The following BLK variants were observed in gnomAD, a reference collection of about 807,000 sequenced individuals.
BLK encodes the protein tyrosine-protein kinase Blk.
Under a neutral mutation model 61.8 loss-of-function variants are expected in BLK, and 64 were observed. That is an observed-to-expected ratio of 1.03 (90% CI 0.85 to 1.27). The LOEUF is 1.27. Ranked by LOEUF, BLK falls within the 50% of genes most tolerant of loss-of-function variation. The probability of loss-of-function intolerance (pLI) is 0.00; values close to 1 mark genes in which losing one functional copy is unlikely to be tolerated. For missense variants in BLK, 853 were observed against 660.5 expected (o/e 1.29, Z -3.19); for synonymous variants, 351 against 272.0 (o/e 1.29, Z -2.86).
chr8:11,532,543 T>C (rs988428973), intron 1 of BLK, among the ~76,000 whole-genome samples: 2 of 152,182 alleles, frequency 1.3e-5, no homozygotes, highest in Non-Finnish European at 2.9e-5. Flanking sequence ...TATTGTATTT[T>C]TTTTAATCTC....
chr8:11,519,048 G>T (rs1180242985), intron 1 of BLK, among the ~76,000 whole-genome samples: 1 of 152,110 alleles, frequency 6.6e-6, no homozygotes, highest in Non-Finnish European at 1.5e-5. Flanking sequence ...GAAATCAGTG[G>T]CCGTTTACTT....
chr8:11,552,631 C>T (rs1404371464), intron 6 of BLK: 1 of 152,206 alleles, frequency 6.6e-6, no homozygotes, highest in East Asian at 1.9e-4. Context: ...TCTGTATCTC[C>T]CGCTCCACCC....
chr8:11,555,193 A>C, intron 7 of BLK, 139 bp from the exon 8 acceptor site: 1 of 1,167,240 alleles, frequency 8.6e-7, no homozygotes, highest in Middle Eastern at 2.6e-4. Context: ...GTGTGTGTGC[A>C]TGTGCAGGCG....
At chr8:11,544,981 A>G (rs1473377723) in intron 2 of BLK, among the ~76,000 whole-genome samples, 1 of 152,108 alleles carries the variant, frequency 6.6e-6, no homozygotes, top group Non-Finnish European at 1.5e-5. Context: ...CCCAATACCC[A>G]GAATCTGTTT....
At chr8:11,537,704 G>A (rs151299016) in intron 1 of BLK, among the ~76,000 whole-genome samples, 56 of 152,228 alleles carry the variant, frequency 3.7e-4, no homozygotes, top group Non-Finnish European at 5.6e-4. Flanking sequence ...GAGGATAACT[G>A]TAACCAATTT....
rs528858380 is a variant in BLK, at chr8:11,515,792, C to CT, written c.-2+21203dup. On this transcript the variant is annotated intron_variant, in intron 1 of 12. Coordinates refer to ENST00000259089, the MANE Select transcript of BLK (RefSeq NM_001715.3). ...AGAACAGCTTCCTGCAGTCTGTGTTCTTCAGAACAGTGGCTTCAAACAGGA... is the reference window on the plus strand; with the variant it reads ...AGAACAGCTTCCTGCAGTCTGTGTTCTTTCAGAACAGTGGCTTCAAACAGGA... Among the ~76,000 whole-genome samples, 40 of 152,324 alleles carry CT rather than the reference C, an allele frequency of 2.6e-4. No homozygotes were observed. In the East Asian group the frequency reaches 6.8e-3, roughly 26 times the overall value.
chr8:11,520,514 A>AAAAAAAAAAAAAAAAAAAAAAAAAAGG (rs1563435701), intron 1 of BLK, among the ~76,000 whole-genome samples: 2 of 150,670 alleles, frequency 1.3e-5, no homozygotes, highest in African/African-American at 4.9e-5. Flanking sequence ...GAAGAAAGAA[A>AAAAAAAAAAAAAAAAAAAAAAAAAAGG]AAGAAAGAAA....
intron 5 of BLK, chr8:11,549,941 CAGTG>C (rs1800823103): frequency 3.4e-6 from 2 of 592,014 alleles, no homozygotes; most frequent in Non-Finnish European, 6.1e-6. Flanking sequence ...TCTAGGAAAA[CAGTG>C]AGTCCAGGGC....
At chr8:11,497,433 C>G (rs913301487) in intron 1 of BLK, among the ~76,000 whole-genome samples, 1 of 152,154 alleles carries the variant, frequency 6.6e-6, no homozygotes, top group Non-Finnish European at 1.5e-5. Context: ...AATGTCTCCT[C>G]CCAGTCACAG....
In BLK at chr8:11,555,349, T is replaced by C; in HGVS notation, c.637T>C (p.Cys213Arg). The C allele has an allele frequency of 1.2e-6, 2 of 1,614,094 alleles. No homozygotes were observed. Among genetic ancestry groups the C allele is most frequent in the East Asian group, 2.2e-5 (1 of 44,866 alleles). Residue 213 changes from cysteine (C) to arginine (R), a missense_variant, in exon 8 of 13, where the codon TGC (cysteine) becomes CGC (arginine). Coordinates refer to ENST00000259089, the MANE Select transcript of BLK (RefSeq NM_001715.3). ...TAATGCAGAGAAGGGGGATGGTCTA[T>C]GCCAGAGGCTGACCCTGCCCTGTGT... ...QHYSKKGDGL[C>R]QRLTLPCVRP...
At position 11,548,138 on chromosome 8, in the gene BLK, G is replaced by A; in HGVS notation, c.269+13G>A. The A allele has an allele frequency of 6.2e-7, 1 of 1,606,286 alleles. No homozygotes were observed. Among genetic ancestry groups the A allele is most frequent in the East Asian group, 2.2e-5 (1 of 44,846 alleles). On this transcript the variant is annotated intron_variant, in intron 4 of 12. Coordinates refer to ENST00000259089, the MANE Select transcript of BLK (RefSeq NM_001715.3). ...AGGTCCTGAAGGGGTGAGGTTCCAG[G>A]ACACCATCCCCTGTCCCTGCAGGAC... is the stretch of plus-strand genomic sequence containing the variant.
Position 11,531,402 on chromosome 8 carries a change from T to C in BLK, c.-1-11822T>C, listed in dbSNP as rs1799881167. Among the ~76,000 whole-genome samples the C allele has an allele frequency of 2.6e-5, 4 of 152,336 alleles. 1 individual carries two copies. In the Middle Eastern group the frequency reaches 0.014, roughly 518 times the overall value. On this transcript the variant is annotated intron_variant, in intron 1 of 12. Transcript: ENST00000259089. The stretch of plus-strand genomic sequence containing the variant: ...CTAAGGGAATAGAAGGTCACGTTTG[T>C]ATGCTTCTGACTCATATTCTTTATA...
chr8:11,545,417 C>T (rs1436046181), intron 2 of BLK, among the ~76,000 whole-genome samples: 16 of 152,076 alleles, frequency 1.1e-4, no homozygotes, highest in African/African-American at 2.9e-4. Context: ...GGCGTGATGG[C>T]GGGCACCTGT....
rs1318537616 is a variant in BLK, at chr8:11,564,362, C to T, written c.*254C>T. The T allele has an allele frequency of 2.9e-6, 2 of 689,112 alleles. No individual in the cohort carries two copies. Among genetic ancestry groups the T allele is most frequent in the Admixed American group, 2.0e-5 (1 of 49,480 alleles). The allele number at this position is 689,112 out of a possible 1,614,324, so 42.7% of individuals were successfully genotyped here. On this transcript the variant is annotated 3_prime_UTR_variant, in exon 13 of 13. Transcript: ENST00000259089. Reference sequence around the variant, plus strand: ...GTAACAGTGACCTCGCACGGTCATCCGGAGTACTAAGCCCCAGTAAGGTGT... The same window carrying T: ...GTAACAGTGACCTCGCACGGTCATCTGGAGTACTAAGCCCCAGTAAGGTGT...
intron 10 of BLK, 119 bp downstream of exon 10, chr8:11,558,157 G>C (rs1050663567): frequency 7.7e-5 from 75 of 978,502 alleles, no homozygotes; most frequent in African/African-American, 1.6e-5. Context: ...GGGTACTGAA[G>C]GCCACCTTCC....
At chr8:11,540,465 CTT>C (rs2117430376) in intron 1 of BLK, among the ~76,000 whole-genome samples, 2 of 152,158 alleles carry the variant, frequency 1.3e-5, no homozygotes, top group East Asian at 3.9e-4. Flanking sequence ...TAGGTTAAGA[CTT>C]AATTTAGTCA....
intron 1 of BLK, among the ~76,000 whole-genome samples, chr8:11,535,663 C>T (rs1194095260): frequency 1.3e-5 from 2 of 152,182 alleles, no homozygotes; most frequent in African/African-American, 4.8e-5. Context: ...AGGAACTTGT[C>T]AATGGAGGAA....
chr8:11,540,518 T>C (rs966034302), intron 1 of BLK, among the ~76,000 whole-genome samples: 1 of 152,186 alleles, frequency 6.6e-6, no homozygotes, highest in Non-Finnish European at 1.5e-5. Context: ...CAAATTATAA[T>C]TTTAATTAAA....
chr8:11,528,165 T>C (rs1484456286), intron 1 of BLK, among the ~76,000 whole-genome samples: 3 of 152,118 alleles, frequency 2.0e-5, no homozygotes, highest in Non-Finnish European at 2.9e-5. Flanking sequence ...GCCTCCCAAG[T>C]CATTGGCACT....
Sources: allele counts gnomAD v4.1 joint callset (sites outside exome capture counted in the v4.1 genomes callset), GRCh38; gene constraint gnomAD v4.1.1; transcripts MANE v1.5; gene names NCBI Gene and HGNC (gene_info 2026-07-23, HGNC 2026-07-21).